Variants in SLC66A2 observed in about 807,000 individuals in gnomAD.
The protein encoded by SLC66A2 is solute carrier family 66 member 2.
SLC66A2 carries 23 observed loss-of-function variants against 25.5 expected under a neutral mutation model. The observed-to-expected ratio is 0.90, with a 90% CI of 0.65 to 1.28. The LOEUF (loss-of-function observed/expected upper bound fraction) is 1.28, where lower values mean the gene tolerates loss of function less well. SLC66A2 is among the 50% of genes most tolerant of loss of function. The pLI, the probability that SLC66A2 is intolerant of heterozygous loss-of-function variation, is 0.00. For missense variants in SLC66A2, 396 were observed against 373.1 expected, an observed-to-expected ratio of 1.06 and a Z score of -0.51; for synonymous variants, 193 against 166.5, an observed-to-expected ratio of 1.16 and a Z score of -1.23.
intron 3 of SLC66A2, among the ~76,000 whole-genome samples, chr18:79,936,736 A>T (rs1309796009): frequency 6.6e-6 from 1 of 152,260 alleles, no homozygotes; most frequent in South Asian, 2.1e-4. Context: ...CCGTGTATCC[A>T]GTTGCTGGTG....
chr18:79,905,744 GCCA>G (rs1982028175), intron 5 of SLC66A2, among the ~76,000 whole-genome samples: 1 of 152,224 alleles, frequency 6.6e-6, no homozygotes, highest in Non-Finnish European at 1.5e-5. Context: ...AGGCCTGAGA[GCCA>G]CCACCACGCC....
At position 79,922,233 on chromosome 18, in the gene SLC66A2, G is replaced by A. The variant is rs546028836; in HGVS notation, c.392-2833C>T. Reference sequence around the variant, plus strand: ...AAGGAGGGAGGATCGCTTGAGCCCAGGAGTTGAGGCCAGCTTAGGCAACAC... The same window carrying A: ...AAGGAGGGAGGATCGCTTGAGCCCAAGAGTTGAGGCCAGCTTAGGCAACAC... On this transcript the variant is annotated intron_variant, in intron 4 of 5. Transcript: ENST00000397778. Among the ~76,000 whole-genome samples the A allele has an allele frequency of 2.0e-5, 3 of 151,156 alleles. No individual in the cohort carries two copies. In the East Asian group the frequency reaches 5.8e-4, roughly 29 times the overall value.
chr18:79,950,727 A>G lies in SLC66A2; in HGVS notation c.200T>C (p.Phe67Ser). 1 of 1,613,008 alleles carries G rather than the reference A, an allele frequency of 6.2e-7. No homozygotes were observed. Among genetic ancestry groups the G allele is most frequent in the Non-Finnish European group, 8.5e-7 (1 of 1,179,902 alleles). The change falls in exon 2 of 6, where the codon TTC (phenylalanine) becomes TCC (serine). Residue 67 changes from phenylalanine to serine, a missense_variant. By Grantham distance (155) the Phe-to-Ser change is radical. Transcript: ENST00000397778. Reference protein sequence around the residue: ...LLVANILRILFWFGRRFESPL... With the variant: ...LLVANILRILSWFGRRFESPL... Reference sequence around the variant, plus strand: ...GGAAAGCAAGCCCCCAACTTACCAGAAGAGTATCCGCAAAATGTTGGCCAC... The same window carrying G: ...GGAAAGCAAGCCCCCAACTTACCAGGAGAGTATCCGCAAAATGTTGGCCAC...
intron 4 of SLC66A2, among the ~76,000 whole-genome samples, chr18:79,926,721 T>C (rs114242023): frequency 1.4e-3 from 208 of 152,096 alleles, no homozygotes; most frequent in African/African-American, 4.9e-3. Flanking sequence ...TTCAGAATTA[T>C]AGCACTCACA....
At chr18:79,931,661 T>C (rs1476515863) in intron 4 of SLC66A2, among the ~76,000 whole-genome samples, 2 of 152,318 alleles carry the variant, frequency 1.3e-5, no homozygotes, top group South Asian at 2.1e-4. Context: ...AAAATGCACA[T>C]TGAATATTCT....
chr18:79,922,456 C>T (rs1314218996), intron 4 of SLC66A2, among the ~76,000 whole-genome samples: 4 of 152,110 alleles, frequency 2.6e-5, no homozygotes, highest in African/African-American at 9.7e-5. Context: ...ACAGAGACCA[C>T]TCCTAGGACA....
chr18:79,951,235 C>G (rs1229840215), intron 1 of SLC66A2, among the ~76,000 whole-genome samples: 1 of 151,742 alleles, frequency 6.6e-6, no homozygotes, highest in Non-Finnish European at 1.5e-5. Context: ...GGTCCCAGCG[C>G]CGGGGTCGAG....
intron 3 of SLC66A2, among the ~76,000 whole-genome samples, chr18:79,942,025 T>C (rs1835410): frequency 0.79 from 120,547 of 152,246 alleles, 48,702 homozygotes; most frequent in South Asian, 0.94. Context: ...GCAGGGAACA[T>C]GCCATGAGGA....
chr18:79,936,037 T>C lies in SLC66A2; in HGVS notation c.338-2015A>G, dbSNP rs117069094. 2.7e-4 allele frequency among the ~76,000 whole-genome samples: 41 copies of C among 152,336 alleles called. 1 individual carries two copies. In the East Asian group the frequency reaches 7.7e-3, roughly 29 times the overall value. ...AGACACAACAAGTTATGGTTCCACA[T>C]GGCCAGCAGGAAGGAGGCTGGCTGG... is the stretch of plus-strand genomic sequence containing the variant. On this transcript the variant is annotated intron_variant, in intron 3 of 5. Coordinates refer to ENST00000397778, the MANE Select transcript of SLC66A2 (RefSeq NM_025078.5).
intron 5 of SLC66A2, among the ~76,000 whole-genome samples, chr18:79,916,522 C>T (rs2123282173): frequency 6.6e-6 from 1 of 152,372 alleles, no homozygotes; most frequent in African/African-American, 2.4e-5. Context: ...CTGCTGGGTT[C>T]ACGTCGCACC....
At chr18:79,935,799 G>GGAGA (rs145555593) in intron 3 of SLC66A2, among the ~76,000 whole-genome samples, 3 of 151,080 alleles carry the variant, frequency 2.0e-5, no homozygotes, top group Non-Finnish European at 3.0e-5. Flanking sequence ...AGCGAGTGAG[G>GGAGA]GAGAGAGAGA....
rs1192513702 is a variant in SLC66A2 at position 79,951,003 on chromosome 18, G to C, written c.-77C>G. 1.2e-5 allele frequency: 14 copies of C among 1,159,994 alleles called. No individual in the cohort carries two copies. The highest frequency in any genetic ancestry group is 1.6e-5 in the Non-Finnish European group (14 of 881,066). The allele number at this position is 1,159,994 out of a possible 1,614,324, so 71.9% of individuals were successfully genotyped here. ...CCGGCCGCCTGCTCATCGCCGCTCCGCGCGCTCCTGCGGCCTCGGGGCCTG... is the reference window on the plus strand; with the variant it reads ...CCGGCCGCCTGCTCATCGCCGCTCCCCGCGCTCCTGCGGCCTCGGGGCCTG... On this transcript the variant is annotated 5_prime_UTR_variant, in exon 2 of 6. Coordinates refer to ENST00000397778, the MANE Select transcript of SLC66A2 (RefSeq NM_025078.5).
At position 79,943,318 on chromosome 18, in the gene SLC66A2, C is replaced by T. The variant is rs552706697; in HGVS notation, c.337+11G>A. 7 of 1,612,818 alleles carry T rather than the reference C, an allele frequency of 4.3e-6. No individual in the cohort carries two copies. In the East Asian group the frequency reaches 6.7e-5, roughly 15 times the overall value. ...TCCCTGCGACTTTATTCCGAAGCGC[C>T]GGCCACCAACCTGTAAAGGAGCGGC... On this transcript the variant is annotated intron_variant, in intron 3 of 5. Coordinates refer to ENST00000397778, the MANE Select transcript of SLC66A2 (RefSeq NM_025078.5).
intron 5 of SLC66A2, among the ~76,000 whole-genome samples, chr18:79,909,844 C>T (rs372964868): frequency 1.5e-5 from 2 of 133,734 alleles, no homozygotes; most frequent in East Asian, 5.2e-4. Context: ...TCACCAGAGT[C>T]CCCAGGCTTC....
At chr18:79,951,388 G>A (rs76161927) in intron 1 of SLC66A2, among the ~76,000 whole-genome samples, 193 bp downstream of exon 1, 19,135 of 150,042 alleles carry the variant, frequency 0.13, 1,289 homozygotes, top group East Asian at 0.21. Context: ...GCCTAGCATG[G>A]GGGCGCACGG....
intron 2 of SLC66A2, among the ~76,000 whole-genome samples, chr18:79,946,614 G>A (rs1339560313): frequency 5.3e-5 from 8 of 152,150 alleles, no homozygotes; most frequent in African/African-American, 1.4e-4. Context: ...AGTATAGAGG[G>A]TGCCCCATAA....
At chr18:79,936,258 C>G (rs772023988) in intron 3 of SLC66A2, among the ~76,000 whole-genome samples, 5 of 152,176 alleles carry the variant, frequency 3.3e-5, no homozygotes, top group Admixed American at 2.6e-4. Flanking sequence ...GTGGCCCAGG[C>G]GAGCCCCCAA....
chr18:79,946,436 T>C (rs1291378545), intron 2 of SLC66A2, among the ~76,000 whole-genome samples: 2 of 152,266 alleles, frequency 1.3e-5, no homozygotes, highest in Admixed American at 6.5e-5. Flanking sequence ...AGGAGAGCAC[T>C]TTTCCTCTCC....
At position 79,937,027 on chromosome 18, in the gene SLC66A2, C is replaced by T. The variant is rs1050593109; in HGVS notation, c.338-3005G>A. 5.3e-5 allele frequency among the ~76,000 whole-genome samples: 8 copies of T among 152,304 alleles called. No individual in the cohort carries two copies. Among genetic ancestry groups the T allele is most frequent in the African/African-American group, 1.9e-4 (8 of 41,554 alleles). ...GAGGCAGAGCTCAGGCTAAGCGACA[C>T]AGCCAGGCCTGGAGGTTTGAAGTCA... On this transcript the variant is annotated intron_variant, in intron 3 of 5. Coordinates refer to ENST00000397778, the MANE Select transcript of SLC66A2 (RefSeq NM_025078.5). The surrounding 1 kb of genome is among the most constrained non-coding windows in gnomAD (Gnocchi z 5.4).
Sources: gnomAD v4.1 joint callset for allele counts (sites outside exome capture counted in the v4.1 genomes callset) on GRCh38, gnomAD v4.1.1 for gene constraint, Gnocchi (gnomAD v3.1) non-coding constraint, MANE v1.5 for transcripts, NCBI Gene and HGNC (gene_info 2026-07-23, HGNC 2026-07-21) for gene names.